Variants in AGBL1 observed in about 807,000 individuals in gnomAD.
AGBL1 encodes the protein AGBL carboxypeptidase 1.
Under a neutral mutation model 118.9 loss-of-function variants are expected in AGBL1, and 130 were observed. The observed-to-expected ratio is 1.09, with a 90% CI of 0.95 to 1.26. AGBL1 has a LOEUF of 1.26. AGBL1 is among the 50% of genes most tolerant of loss of function. AGBL1 has a pLI of 0.00. For missense variants in AGBL1, 1,584 were observed against 1,298.1 expected (o/e 1.22, Z -3.38); for synonymous variants, 555 against 478.9 (o/e 1.16, Z -2.08).
chr15:86,654,621 A>C (rs1398718528), intron 21 of AGBL1, among the ~76,000 whole-genome samples: 1 of 152,162 alleles, frequency 6.6e-6, no homozygotes, highest in African/African-American at 2.4e-5. Context: ...ACATACATTC[A>C]TGGAAAGAGG....
chr15:86,685,016 G>C (rs1363389241), intron 22 of AGBL1, among the ~76,000 whole-genome samples: 1 of 152,184 alleles, frequency 6.6e-6, no homozygotes, highest in Non-Finnish European at 1.5e-5. Flanking sequence ...GAAAGGAGTT[G>C]TAAACAAGCA....
intron 19 of AGBL1, among the ~76,000 whole-genome samples, chr15:86,534,213 A>G (rs975605631): frequency 2.0e-5 from 3 of 151,614 alleles, no homozygotes; most frequent in Non-Finnish European, 4.4e-5. Flanking sequence ...CTGGAGTGGT[A>G]GAAAATAGTA....
chr15:86,374,937 AAAC>A (rs2081020357), intron 17 of AGBL1, among the ~76,000 whole-genome samples: 1 of 152,230 alleles, frequency 6.6e-6, no homozygotes, highest in Non-Finnish European at 1.5e-5. Flanking sequence ...ATTTGGGTCA[AAAC>A]AACCACAGTG....
chr15:86,139,372 A>G (rs963304375), intron 1 of AGBL1, among the ~76,000 whole-genome samples: 2 of 152,052 alleles, frequency 1.3e-5, no homozygotes, highest in African/African-American at 4.8e-5. Context: ...TCATAATAGG[A>G]TTTGGCACCA....
chr15:86,425,915 T>C lies in AGBL1; in HGVS notation c.2555+28369T>C, dbSNP rs961236265. On this transcript the variant is annotated intron_variant, in intron 18 of 22. Coordinates refer to ENST00000614907, the MANE Select transcript of AGBL1 (RefSeq NM_001386094.1). ...TTGTGGAGAGATCTTTGTCCGTCTA[T>C]GGATGGACAAAGACGTGTTTGTGTG... Among the ~76,000 whole-genome samples, 4 of 151,930 alleles carry C rather than the reference T, an allele frequency of 2.6e-5. No individual in the cohort carries two copies. The East Asian group carries it at 7.8e-4, about 30-fold the overall frequency.
At chr15:86,323,771 T>A (rs1031814230) in intron 17 of AGBL1, among the ~76,000 whole-genome samples, 1 of 152,236 alleles carries the variant, frequency 6.6e-6, no homozygotes, top group African/African-American at 2.4e-5. Flanking sequence ...CTTCTGAAAC[T>A]ATCCTTTTAC....
Position 86,224,934 on chromosome 15 carries a change from C to T in AGBL1, c.509C>T (p.Ala170Val). 2 of 1,613,360 alleles carry T rather than the reference C, an allele frequency of 1.2e-6. No homozygotes were observed. Among genetic ancestry groups the T allele is most frequent in the Non-Finnish European group, 1.7e-6 (2 of 1,179,504 alleles). Reference sequence around the variant, plus strand: ...CCCAGGGCAGCCACTGAAGTTTTGGCAGCATTGCTGAAATCCAGTAAGCAC... The same window carrying T: ...CCCAGGGCAGCCACTGAAGTTTTGGTAGCATTGCTGAAATCCAGTAAGCAC... ...QAIRAATEVLAALLKSKSNGR... is the reference protein window; with the variant it reads ...QAIRAATEVLVALLKSKSNGR... Residue 170 changes from alanine to valine, a missense_variant, in exon 6 of 23, where the codon GCA becomes GTA. Physicochemically the swap from Ala to Val is moderately conservative, Grantham distance 64. Coordinates refer to ENST00000614907, the MANE Select transcript of AGBL1 (RefSeq NM_001386094.1).
intron 18 of AGBL1, among the ~76,000 whole-genome samples, chr15:86,457,662 G>A (rs1345280824): frequency 6.6e-6 from 1 of 152,070 alleles, no homozygotes; most frequent in East Asian, 1.9e-4. Flanking sequence ...GAAGTGCTCT[G>A]GAGAAGAAGT....
At chr15:86,980,363 G>A (rs544211074) in intron 23 of AGBL1, among the ~76,000 whole-genome samples, 1 of 152,208 alleles carries the variant, frequency 6.6e-6, no homozygotes, top group African/African-American at 2.4e-5. Flanking sequence ...TGCCACCTGC[G>A]GGAGCATTCC....
chr15:86,748,587 T>C (rs1478765962), intron 22 of AGBL1, among the ~76,000 whole-genome samples: 1 of 139,346 alleles, frequency 7.2e-6, no homozygotes, highest in African/African-American at 2.6e-5. Context: ...TCCTTGCCCA[T>C]GCCTATGTCC....
intron 21 of AGBL1, among the ~76,000 whole-genome samples, chr15:86,635,878 A>C (rs372217993): frequency 6.6e-6 from 1 of 152,158 alleles, no homozygotes; most frequent in Non-Finnish European, 1.5e-5. Context: ...GGAGTTATCA[A>C]TAGAACTCCT....
chr15:86,774,937 A>C (rs553934151), intron 22 of AGBL1, among the ~76,000 whole-genome samples: 1 of 152,148 alleles, frequency 6.6e-6, no homozygotes, highest in Non-Finnish European at 1.5e-5. Context: ...TTAAGTCACC[A>C]TAGAAAAGTT....
chr15:86,392,161 G>A (rs1242070661), intron 17 of AGBL1, among the ~76,000 whole-genome samples: 2 of 152,020 alleles, frequency 1.3e-5, no homozygotes, highest in Admixed American at 1.3e-4. Context: ...AAATTTTACA[G>A]CCACATACAA....
At chr15:86,870,344 A>G (rs1299329670) in intron 22 of AGBL1, among the ~76,000 whole-genome samples, 3 of 151,906 alleles carry the variant, frequency 2.0e-5, no homozygotes, top group Non-Finnish European at 4.4e-5. Context: ...AGTAAGTGGC[A>G]AAGTCAGGAT....
intron 17 of AGBL1, among the ~76,000 whole-genome samples, chr15:86,328,094 T>C: frequency 6.6e-6 from 1 of 152,322 alleles, no homozygotes; most frequent in Non-Finnish European, 1.5e-5. Flanking sequence ...CAACAAATAC[T>C]TAAAGCAGAG....
intron 24 of AGBL1, among the ~76,000 whole-genome samples, chr15:87,027,545 A>T (rs940124013): frequency 3.3e-5 from 5 of 151,510 alleles, no homozygotes; most frequent in Non-Finnish European, 5.9e-5. Flanking sequence ...ATGTATATTT[A>T]TTACATAAAT....
downstream of AGBL1, among the ~76,000 whole-genome samples, chr15:86,918,999 A>G (rs960349096): frequency 1.3e-5 from 2 of 151,890 alleles, no homozygotes; most frequent in Admixed American, 6.6e-5. Context: ...TGGTGACTCT[A>G]TTTTTTTCAG....
At chr15:86,887,140 CAAAT>C (rs1307110877) in intron 22 of AGBL1, among the ~76,000 whole-genome samples, 1 of 152,070 alleles carries the variant, frequency 6.6e-6, no homozygotes, top group Non-Finnish European at 1.5e-5. Flanking sequence ...TTTATTAAAA[CAAAT>C]AGAAATAATA....
intron 20 of AGBL1, among the ~76,000 whole-genome samples, chr15:86,548,676 C>G (rs1271155977): frequency 6.6e-6 from 1 of 150,382 alleles, no homozygotes; most frequent in Non-Finnish European, 1.5e-5. Flanking sequence ...CACACACACA[C>G]ACACACACAC....
Sources: allele counts gnomAD v4.1 joint callset (sites outside exome capture counted in the v4.1 genomes callset), GRCh38; gene constraint gnomAD v4.1.1; transcripts MANE v1.5; gene names NCBI Gene and HGNC (gene_info 2026-07-23, HGNC 2026-07-21).